Variants in TRAPPC9 observed in about 807,000 individuals in gnomAD.
TRAPPC9 encodes the protein trafficking protein particle complex subunit 9, also known as IKK2 binding protein.
TRAPPC9 carries 83 observed loss-of-function variants against 124.0 expected under a neutral mutation model. The ratio of observed to expected loss-of-function variants is 0.67; its 90% CI spans 0.56 to 0.80. The LOEUF (loss-of-function observed/expected upper bound fraction) is 0.80, where lower values mean the gene tolerates loss of function less well. Among genes scored for constraint, TRAPPC9 ranks in the 30% least tolerant of loss-of-function variants. The pLI is 0.00. For missense variants in TRAPPC9, 1,302 were observed against 1,508.3 expected, an observed-to-expected ratio of 0.86 and a Z score of 2.27; for synonymous variants, 638 against 617.5, an observed-to-expected ratio of 1.03 and a Z score of -0.49.
intron 21 of TRAPPC9, among the ~76,000 whole-genome samples, chr8:139,847,441 C>T (rs756028232): frequency 3.3e-5 from 5 of 152,242 alleles, no homozygotes; most frequent in Admixed American, 6.5e-5. Context: ...CCCAAATGCA[C>T]ACCACACTTG....
intron 17 of TRAPPC9, among the ~76,000 whole-genome samples, chr8:140,198,414 G>A (rs760859706): frequency 3.9e-5 from 6 of 152,038 alleles, no homozygotes; most frequent in Non-Finnish European, 7.4e-5. Context: ...TGCAAACCCT[G>A]TACTTGATGG....
intron 21 of TRAPPC9, among the ~76,000 whole-genome samples, chr8:139,760,607 A>C (rs1202289946): frequency 6.6e-6 from 1 of 152,212 alleles, no homozygotes; most frequent in Non-Finnish European, 1.5e-5. Flanking sequence ...TCCAGACTCC[A>C]CGTCTGATCA....
chr8:140,266,848 A>C (rs2064682496), intron 15 of TRAPPC9, among the ~76,000 whole-genome samples: 1 of 152,048 alleles, frequency 6.6e-6, no homozygotes, highest in African/African-American at 2.4e-5. Context: ...CGACAGAGCG[A>C]GACTCCATCT....
rs373542185 is a variant in TRAPPC9, at chr8:140,204,970, C to T, written c.2556+16489G>A. Among the ~76,000 whole-genome samples the T allele has an allele frequency of 1.4e-4, 22 of 152,232 alleles. No individual in the cohort carries two copies. In the East Asian group the frequency reaches 3.5e-3, roughly 24 times the overall value. On this transcript the variant is annotated intron_variant, in intron 17 of 22. Coordinates refer to ENST00000438773, the MANE Select transcript of TRAPPC9 (RefSeq NM_001160372.4). ...AAATGCTGAGGATGTAGGCCAGATG[C>T]CAGAAGGTTACGCTGGAGGAGCTTG...
intron 9 of TRAPPC9, among the ~76,000 whole-genome samples, chr8:140,316,901 C>T (rs1281810002): frequency 6.6e-6 from 1 of 152,124 alleles, no homozygotes; most frequent in East Asian, 1.9e-4. Flanking sequence ...TTTTCTTATT[C>T]GTTTTTGGTC....
rs780884308 is a variant in TRAPPC9 at position 140,313,508 on chromosome 8, G to C, written c.1496-2134C>G. 2.3e-4 allele frequency among the ~76,000 whole-genome samples: 35 copies of C among 152,298 alleles called. 1 individual carries two copies. Among genetic ancestry groups the C allele is most frequent in the South Asian group, 2.1e-4 (1 of 4,826 alleles). ...GTGGTCTGGCTGTGCCATTTCATTA[G>C]AGAACCCCCGTGTTTGTGCTTTAGG... On this transcript the variant is annotated intron_variant, in intron 9 of 22. Coordinates refer to ENST00000438773, the MANE Select transcript of TRAPPC9 (RefSeq NM_001160372.4).
chr8:140,140,858 C>G (rs2061372072), intron 17 of TRAPPC9, among the ~76,000 whole-genome samples: 1 of 152,060 alleles, frequency 6.6e-6, no homozygotes, highest in Non-Finnish European at 1.5e-5. Flanking sequence ...CTGCTACAAT[C>G]ACCACCCCAA....
In TRAPPC9 at chr8:139,732,138, G is replaced by A. The variant is rs769263868; in HGVS notation, c.3120C>T (p.Pro1040=). 7.5e-6 allele frequency: 12 copies of A among 1,605,190 alleles called. No individual in the cohort carries two copies. The highest frequency in any genetic ancestry group is 6.7e-5 in the Admixed American group (4 of 59,424). The change falls in exon 22 of 23, where the codon CCC becomes CCT. Residue 1040 remains proline, a synonymous_variant. Transcript: ENST00000438773. ...TGGTCAGCCGCACCTCCAGGCGCACGGGGTCGCCCACCTGGCAGGCCGCCA... is the reference window on the plus strand; with the variant it reads ...TGGTCAGCCGCACCTCCAGGCGCACAGGGTCGCCCACCTGGCAGGCCGCCA... ...EAVAACQVGD[P]VRLEVRLTNR... is the part of the protein sequence containing the mutation.
intron 17 of TRAPPC9, among the ~76,000 whole-genome samples, chr8:140,214,257 G>C (rs1352914350): frequency 6.6e-6 from 1 of 152,222 alleles, no homozygotes; most frequent in East Asian, 1.9e-4. Flanking sequence ...ATCCAACTCA[G>C]AGGGTAGACA....
At chr8:140,202,010 A>G (rs185774622) in intron 17 of TRAPPC9, among the ~76,000 whole-genome samples, 1 of 152,324 alleles carries the variant, frequency 6.6e-6, no homozygotes, top group Admixed American at 6.5e-5. Context: ...AAGACTTTGG[A>G]GTCAGGCACA....
chr8:140,295,417 G>A (rs2065778946), intron 11 of TRAPPC9, among the ~76,000 whole-genome samples: 1 of 152,202 alleles, frequency 6.6e-6, no homozygotes, highest in African/African-American at 2.4e-5. Context: ...CAGGGCCAGG[G>A]TGCAGCCCAA....
chr8:140,223,305 A>G (rs7386740), intron 16 of TRAPPC9, among the ~76,000 whole-genome samples: 98,715 of 151,992 alleles, frequency 0.65, 32,667 homozygotes, highest in Admixed American at 0.73. Context: ...TTTGCTGAGG[A>G]TAATGAAACT....
chr8:139,838,240 C>A, intron 21 of TRAPPC9, among the ~76,000 whole-genome samples: 1 of 152,206 alleles, frequency 6.6e-6, no homozygotes. Flanking sequence ...CTCCAGGAGG[C>A]TTCCCCTGCC....
intron 7 of TRAPPC9, among the ~76,000 whole-genome samples, chr8:140,388,780 G>A (rs1292644507): frequency 1.3e-5 from 2 of 150,204 alleles, no homozygotes; most frequent in African/African-American, 2.4e-5. Context: ...CCTGGGAGGC[G>A]GAGGTTGCAG....
Position 140,252,718 on chromosome 8 carries a change from G to C in TRAPPC9, c.2431+59C>G. The C allele has an allele frequency of 6.3e-7, 1 of 1,592,294 alleles. No homozygotes were observed. Among genetic ancestry groups the C allele is most frequent in the African/African-American group, 1.3e-5 (1 of 74,782 alleles). On this transcript the variant is annotated intron_variant, in intron 16 of 22. Coordinates refer to ENST00000438773, the MANE Select transcript of TRAPPC9 (RefSeq NM_001160372.4). This position sits in a 1 kb window ranked among gnomAD's most constrained non-coding sequence, Gnocchi z 4.2. ...GCAAACAGCAGGCATCAAGGGATGG[G>C]GGTTGCTACACAGTATCTAGGACCC... is the stretch of plus-strand genomic sequence containing the variant.
chr8:139,990,063 G>A (rs1222434188), intron 18 of TRAPPC9, among the ~76,000 whole-genome samples: 1 of 152,150 alleles, frequency 6.6e-6, no homozygotes. Context: ...TGTGCTCTGG[G>A]TCATTATTAT....
intron 17 of TRAPPC9, among the ~76,000 whole-genome samples, chr8:140,108,938 T>C (rs529292644): frequency 6.6e-6 from 1 of 152,346 alleles, no homozygotes; most frequent in Admixed American, 6.5e-5. Context: ...TTTCTTTTCC[T>C]TAGTTTCGAG....
chr8:139,924,683 C>T lies in TRAPPC9; in HGVS notation c.2811-14383G>A, dbSNP rs550506193. ...CTTCTCCCCATCCCACCCCCAGGAA[C>T]CAAGCCCTCGCTATACCCATCAGTC... On this transcript the variant is annotated intron_variant, in intron 19 of 22. Transcript: ENST00000438773. Among the ~76,000 whole-genome samples, 78 of 152,312 alleles carry T rather than the reference C, an allele frequency of 5.1e-4. 2 individuals are homozygous for T. In the South Asian group the frequency reaches 0.016, roughly 32 times the overall value.
Position 139,755,495 on chromosome 8 carries a change from T to A in TRAPPC9, c.3056-23293A>T, listed in dbSNP as rs113330408. ...CAGCAGGTCCCAGGAGGAGCCAGGG[T>A]TGGGGTATAAGGACAGCAGGTCGCA... On this transcript the variant is annotated intron_variant, in intron 21 of 22. Coordinates refer to ENST00000438773, the MANE Select transcript of TRAPPC9 (RefSeq NM_001160372.4). Among the ~76,000 whole-genome samples, 220 of 83,714 alleles carry A rather than the reference T, an allele frequency of 2.6e-3. 1 individual carries two copies. The highest frequency in any genetic ancestry group is 0.011 in the African/African-American group (135 of 12,726). 54.9% of individuals were successfully genotyped at this position (83,714 alleles called of 152,430 possible). A position where few individuals can be genotyped will look rare whatever the true frequency, so the allele number is the denominator to read the frequency against.
Sources: allele counts gnomAD v4.1 joint callset (sites outside exome capture counted in the v4.1 genomes callset), GRCh38; gene constraint gnomAD v4.1.1; non-coding constraint Gnocchi (gnomAD v3.1); transcripts MANE v1.5; gene names NCBI Gene and HGNC (gene_info 2026-07-23, HGNC 2026-07-21).